Variants in GPLD1 observed in about 807,000 individuals in gnomAD.
The protein encoded by GPLD1 is phosphatidylinositol-glycan-specific phospholipase D.
Under a neutral mutation model 112.6 loss-of-function variants are expected in GPLD1, and 84 were observed. The observed-to-expected ratio is 0.75, with a 90% CI of 0.63 to 0.89. The LOEUF (loss-of-function observed/expected upper bound fraction) is 0.89, where lower values mean the gene tolerates loss of function less well. GPLD1 is among the 40% of genes least tolerant of loss of function. The pLI is 0.00. For synonymous variants in GPLD1, 386 were observed against 403.8 expected (o/e 0.96, Z 0.53); for missense variants, 1,044 against 1,051.5 (o/e 0.99, Z 0.10).
intron 7 of GPLD1, among the ~76,000 whole-genome samples, chr6:24,467,643 T>C (rs1425646154): frequency 6.6e-6 from 1 of 152,210 alleles, no homozygotes; most frequent in African/African-American, 2.4e-5. Context: ...TTTAAAGTAT[T>C]TTCATGGTTT....
intron 18 of GPLD1, among the ~76,000 whole-genome samples, chr6:24,446,235 A>G (rs191593493): frequency 6.6e-6 from 1 of 152,158 alleles, no homozygotes; most frequent in East Asian, 1.9e-4. Flanking sequence ...ATCCTGATCC[A>G]ATAGGACTGG....
In GPLD1 at chr6:24,489,428, T is replaced by C. The variant is rs1139456; in HGVS notation, c.84A>G (p.Thr28=). The change falls in exon 1 of 25, where the codon ACA becomes ACG. Residue 28 remains threonine (T), a synonymous_variant. Coordinates refer to ENST00000230036, the MANE Select transcript of GPLD1 (RefSeq NM_001503.4). The part of the protein sequence containing the change: ...CHRGSPCGLS[T]HVEIGHRALE... ...ACCAGTACTTACCTATTTCTACGTGTGTTGAAAGGCCACACGGTGAACCTC... is the reference window on the plus strand; with the variant it reads ...ACCAGTACTTACCTATTTCTACGTGCGTTGAAAGGCCACACGGTGAACCTC... 1.3e-4 allele frequency: 206 copies of C among 1,608,612 alleles called. 1 individual carries two copies. The South Asian group carries it at 2.1e-3, about 17-fold the overall frequency.
chr6:24,425,181 T>A (rs1762190740), downstream of GPLD1: 1 of 152,212 alleles, frequency 6.6e-6, no homozygotes, highest in African/African-American at 2.4e-5. Context: ...GGGCACACTT[T>A]TGGCACACCT....
At chr6:24,495,159 T>C in exon 1 of GPLD1, 2 of 1,450,658 alleles carry the variant, frequency 1.4e-6, no homozygotes, top group Non-Finnish European at 1.8e-6. Context: ...GGCGGGCCTC[T>C]CTGCGGCGCT....
At position 24,468,134 on chromosome 6, in the gene GPLD1, A is replaced by G. The variant is rs534654526; in HGVS notation, c.546-860T>C. Among the ~76,000 whole-genome samples the G allele has an allele frequency of 9.9e-5, 15 of 152,024 alleles. No individual in the cohort carries two copies. In the East Asian group the frequency reaches 2.9e-3, roughly 30 times the overall value. On this transcript the variant is annotated intron_variant, in intron 7 of 24. Coordinates refer to ENST00000230036, the MANE Select transcript of GPLD1 (RefSeq NM_001503.4). The stretch of plus-strand genomic sequence containing the variant: ...TTGGTCAGGCTGGTCTCGAACTCCC[A>G]ACCTCAGGTGATCCACCTGCCTCGG...
intron 4 of GPLD1, among the ~76,000 whole-genome samples, 157 bp from the exon 5 acceptor site, chr6:24,475,388 T>A (rs1423838378): frequency 6.6e-6 from 1 of 151,878 alleles, no homozygotes; most frequent in East Asian, 1.9e-4. Context: ...AAAAACCACA[T>A]AAGAGGCCAG....
intron 24 of GPLD1, 27 bp downstream of exon 24, chr6:24,433,160 T>C: frequency 1.3e-6 from 2 of 1,513,042 alleles, no homozygotes; most frequent in Non-Finnish European, 1.8e-6. Flanking sequence ...AACATAAACA[T>C]CAATGAAGTT....
intron 21 of GPLD1, 122 bp from the exon 22 acceptor site, chr6:24,436,858 C>T: frequency 1.0e-6 from 1 of 994,008 alleles, no homozygotes; most frequent in South Asian, 1.7e-5. Flanking sequence ...CTTTAGTCGG[C>T]TGTGATTTCA....
chr6:24,488,552 A>G (rs189456080), intron 1 of GPLD1, among the ~76,000 whole-genome samples: 2 of 152,348 alleles, frequency 1.3e-5, no homozygotes, highest in East Asian at 3.9e-4. Flanking sequence ...AATACACTTC[A>G]TACAAGAACC....
intron 18 of GPLD1, among the ~76,000 whole-genome samples, chr6:24,446,621 G>A (rs986383792): frequency 2.6e-5 from 4 of 152,190 alleles, no homozygotes; most frequent in East Asian, 1.9e-4. Flanking sequence ...GATCTTGGAC[G>A]TCTAGCTTCC....
chr6:24,446,353 A>G (rs1359211182), intron 18 of GPLD1, among the ~76,000 whole-genome samples: 2 of 151,570 alleles, frequency 1.3e-5, no homozygotes, highest in Non-Finnish European at 2.9e-5. Context: ...TTAAATTAAA[A>G]AAAAAAATTA....
chr6:24,463,483 G>A (rs1280041887), intron 10 of GPLD1, among the ~76,000 whole-genome samples: 1 of 152,054 alleles, frequency 6.6e-6, no homozygotes, highest in Admixed American at 6.6e-5. Context: ...AAAAGGAGGT[G>A]GGAAAAAGCT....
rs144927821 is a variant in GPLD1 at position 24,429,062 on chromosome 6, T to A, written c.2493A>T (p.Ala831=). The part of the protein sequence containing the change: ...RSSLGARLSG[A]LHVYSLGSD ...CTGAGCCAAGGCTATAGACGTGAAG[T>A]GCCCCGGAGAGTCGGGCTCCCAAAG... is the stretch of plus-strand genomic sequence containing the variant. The change falls in exon 25 of 25, where the codon GCA becomes GCT. Residue 831 remains alanine (A), a synonymous_variant. Transcript: ENST00000230036. 1.9e-5 allele frequency: 31 copies of A among 1,613,614 alleles called. No homozygotes were observed. In the African/African-American group the frequency reaches 3.5e-4, roughly 18 times the overall value.
At chr6:24,457,791 TG>T (rs1440552588) in intron 12 of GPLD1, among the ~76,000 whole-genome samples, 1 of 151,452 alleles carries the variant, frequency 6.6e-6, no homozygotes, top group African/African-American at 2.4e-5. Context: ...GAAAATCGCT[TG>T]AACCTGGGAG....
At chr6:24,472,797 C>T (rs1360672704) in intron 6 of GPLD1, among the ~76,000 whole-genome samples, 161 bp from the exon 7 acceptor site, 6 of 148,084 alleles carry the variant, frequency 4.1e-5, no homozygotes, top group Admixed American at 6.7e-5. Flanking sequence ...TTTTTTTAGA[C>T]GGAGTTTTGC....
chr6:24,494,882 C>A, intron 1 of GPLD1: 1 of 1,157,834 alleles, frequency 8.6e-7, no homozygotes, highest in Non-Finnish European at 1.1e-6. Context: ...CCAGCTCCCA[C>A]GCTTTCCCCG....
intron 20 of GPLD1, 57 bp from the exon 21 acceptor site, chr6:24,437,346 G>T: frequency 4.7e-6 from 7 of 1,484,170 alleles, no homozygotes; most frequent in Admixed American, 1.7e-5. Flanking sequence ...TACAGAACAC[G>T]GAATAGCACC....
chr6:24,473,452 T>G, intron 6 of GPLD1, 167 bp downstream of exon 6: 1 of 457,038 alleles, frequency 2.2e-6, no homozygotes, highest in Non-Finnish European at 4.0e-6. Flanking sequence ...GAAATACATC[T>G]CTATGTTAAA....
chr6:24,492,371 T>C (rs1293237544), upstream of GPLD1, among the ~76,000 whole-genome samples: 1 of 151,848 alleles, frequency 6.6e-6, no homozygotes, highest in Non-Finnish European at 1.5e-5. Flanking sequence ...CCAGGCATGG[T>C]GGCGCGCACC....
Sources: allele counts gnomAD v4.1 joint callset (sites outside exome capture counted in the v4.1 genomes callset), GRCh38; gene constraint gnomAD v4.1.1; transcripts MANE v1.5; gene names NCBI Gene and HGNC (gene_info 2026-07-23, HGNC 2026-07-21).